Variants in GRM8 observed in about 807,000 individuals in gnomAD.
The protein encoded by GRM8 is glutamate metabotropic receptor 8, also known as metabotropic glutamate receptor 8.
A neutral mutation model predicts 87.2 loss-of-function variants in GRM8; 47 were observed. That is an observed-to-expected ratio of 0.54 (90% CI 0.43 to 0.69). The LOEUF is 0.69. Among genes scored for constraint, GRM8 ranks in the 30% least tolerant of loss-of-function variants. GRM8 has a pLI of 0.00. For missense variants in GRM8, 1,019 were observed against 1,139.2 expected, an observed-to-expected ratio of 0.89 and a Z score of 1.52; for synonymous variants, 396 against 404.5, an observed-to-expected ratio of 0.98 and a Z score of 0.25.
chr7:127,096,772 C>T (rs1332257135), intron 3 of GRM8, among the ~76,000 whole-genome samples: 1 of 152,134 alleles, frequency 6.6e-6, no homozygotes, highest in Non-Finnish European at 1.5e-5. Flanking sequence ...AGTTCTTAAC[C>T]ACTCCCCAGT....
At chr7:126,604,543 G>A (rs542821674) in intron 8 of GRM8, among the ~76,000 whole-genome samples, 5 of 152,198 alleles carry the variant, frequency 3.3e-5, no homozygotes, top group South Asian at 2.1e-4. Context: ...ACCAGTCAAT[G>A]TTCTAGGATT....
At chr7:126,934,693 T>C (rs183363762) in intron 3 of GRM8, among the ~76,000 whole-genome samples, 57 of 152,278 alleles carry the variant, frequency 3.7e-4, no homozygotes, top group African/African-American at 1.3e-3. Flanking sequence ...TTCTGTGATA[T>C]AATTTCTAGC....
chr7:127,242,598 A>G, intron 2 of GRM8, 97 bp downstream of exon 2: 2 of 1,173,434 alleles, frequency 1.7e-6, no homozygotes, highest in Non-Finnish European at 2.4e-6. Context: ...GTCTATGAGC[A>G]CCTTCACCAT....
chr7:126,805,968 CTATTT>C (rs562201090), intron 6 of GRM8, among the ~76,000 whole-genome samples: 47 of 152,212 alleles, frequency 3.1e-4, no homozygotes, highest in Non-Finnish European at 6.3e-4. Context: ...TTTTTCTATT[CTATTT>C]TGTTTTTGGG....
intron 9 of GRM8, among the ~76,000 whole-genome samples, chr7:126,475,361 C>T (rs1339129123): frequency 1.3e-5 from 2 of 151,816 alleles, no homozygotes; most frequent in East Asian, 1.9e-4. Flanking sequence ...GAAAAAAATT[C>T]TATGTGCCAT....
chr7:126,976,397 C>T (rs539599272), intron 3 of GRM8, among the ~76,000 whole-genome samples: 1 of 152,256 alleles, frequency 6.6e-6, no homozygotes, highest in East Asian at 1.9e-4. Flanking sequence ...ATATTAAGAT[C>T]ATCCTGGCTA....
intron 9 of GRM8, among the ~76,000 whole-genome samples, chr7:126,527,685 T>C (rs73722641): frequency 0.018 from 2,772 of 152,320 alleles, 80 homozygotes; most frequent in African/African-American, 0.063. Flanking sequence ...TCTCGAATAT[T>C]AGAATTATTC....
chr7:127,069,743 A>G lies in GRM8; in HGVS notation c.727+36753T>C, dbSNP rs542751204. 5.9e-5 allele frequency among the ~76,000 whole-genome samples: 9 copies of G among 152,364 alleles called. No homozygotes were observed. In the South Asian group the frequency reaches 1.9e-3, roughly 32 times the overall value. On this transcript the variant is annotated intron_variant, in intron 3 of 10. Coordinates refer to ENST00000339582, the MANE Select transcript of GRM8 (RefSeq NM_000845.3). ...AAATATTCCTTTACAAATGAAGCAG[A>G]AATATGGTGTCATGATTAAGAGCAT... is the stretch of plus-strand genomic sequence containing the variant.
chr7:126,505,444 C>G (rs1810306890), intron 9 of GRM8, among the ~76,000 whole-genome samples: 1 of 152,060 alleles, frequency 6.6e-6, no homozygotes. Flanking sequence ...AAGGCTAATT[C>G]AGACAAGTGG....
At chr7:126,617,475 G>T (rs1186820446) in intron 7 of GRM8, among the ~76,000 whole-genome samples, 1 of 152,204 alleles carries the variant, frequency 6.6e-6, no homozygotes, top group African/African-American at 2.4e-5. Flanking sequence ...ACAAGACAGA[G>T]ATGCCCTCTC....
chr7:126,480,066 A>C (rs1041035603), intron 9 of GRM8, among the ~76,000 whole-genome samples: 4 of 152,112 alleles, frequency 2.6e-5, no homozygotes, highest in Non-Finnish European at 5.9e-5. Flanking sequence ...GTGAAGAAGA[A>C]AGGAAATGAC....
At chr7:127,015,185 AAGAAGAAGAAG>A (rs1815473159) in intron 3 of GRM8, among the ~76,000 whole-genome samples, 3 of 56,180 alleles carry the variant, frequency 5.3e-5, no homozygotes, top group African/African-American at 1.9e-4. Flanking sequence ...GGAGAAGAAG[AAGAAGAAGAAG>A]AAGAAGAAGA....
intron 2 of GRM8, among the ~76,000 whole-genome samples, chr7:127,232,969 C>A (rs1226767336): frequency 6.6e-6 from 1 of 152,084 alleles, no homozygotes; most frequent in African/African-American, 2.4e-5. Context: ...TCCTGAGTAG[C>A]TGGGATTACA....
intron 6 of GRM8, among the ~76,000 whole-genome samples, chr7:126,809,771 T>C (rs1197297901): frequency 6.6e-6 from 1 of 152,182 alleles, no homozygotes; most frequent in Non-Finnish European, 1.5e-5. Flanking sequence ...AATGCCTTTA[T>C]ACCTTCACCT....
intron 2 of GRM8, among the ~76,000 whole-genome samples, chr7:127,215,636 G>A (rs1011668816): frequency 6.6e-6 from 1 of 152,122 alleles, no homozygotes; most frequent in African/African-American, 2.4e-5. Context: ...CCTCTGTAGA[G>A]ACTTACATTC....
At chr7:126,853,322 T>C (rs945787888) in intron 6 of GRM8, among the ~76,000 whole-genome samples, 1 of 152,164 alleles carries the variant, frequency 6.6e-6, no homozygotes, top group Non-Finnish European at 1.5e-5. Flanking sequence ...AAGGTGTTTT[T>C]TTTGTTTGTT....
At chr7:126,721,808 T>C (rs1812418739) in intron 7 of GRM8, among the ~76,000 whole-genome samples, 1 of 152,020 alleles carries the variant, frequency 6.6e-6, no homozygotes, top group Admixed American at 6.6e-5. Flanking sequence ...TTCTCCAACT[T>C]TGCAAGGAAC....
chr7:126,638,843 G>C (rs187267798), intron 7 of GRM8, among the ~76,000 whole-genome samples: 23 of 152,300 alleles, frequency 1.5e-4, no homozygotes, highest in Non-Finnish European at 3.1e-4. Flanking sequence ...TCTTCACCAA[G>C]TAATTTCTGT....
chr7:127,248,520 T>C (rs915169290), intron 1 of GRM8, among the ~76,000 whole-genome samples: 3 of 152,194 alleles, frequency 2.0e-5, no homozygotes, highest in Non-Finnish European at 4.4e-5. Context: ...GATTCTAGTC[T>C]TACTTCCCCC....
Sources: allele counts gnomAD v4.1 joint callset (sites outside exome capture counted in the v4.1 genomes callset), GRCh38; gene constraint gnomAD v4.1.1; transcripts MANE v1.5; gene names NCBI Gene and HGNC (gene_info 2026-07-23, HGNC 2026-07-21).